GLRX2: variants seen among roughly 807,000 people sequenced by gnomAD.
GLRX2 encodes the protein glutaredoxin 2.
GLRX2 carries 12 observed loss-of-function variants against 16.4 expected under a neutral mutation model. That is an observed-to-expected ratio of 0.73 (90% CI 0.47 to 1.19). The LOEUF (loss-of-function observed/expected upper bound fraction) is 1.19, where lower values mean the gene tolerates loss of function less well. Among genes scored for constraint, GLRX2 ranks in the 50% most tolerant of loss-of-function variants. The pLI is 0.00. For synonymous variants in GLRX2, 95 were observed against 76.2 expected, an observed-to-expected ratio of 1.25 and a Z score of -1.28; for missense variants, 201 against 201.8, an observed-to-expected ratio of 1.00 and a Z score of 0.02.
At chr1:193,104,598 A>C (rs1449104615) in intron 1 of GLRX2, among the ~76,000 whole-genome samples, 1 of 152,254 alleles carries the variant, frequency 6.6e-6, no homozygotes, top group African/African-American at 2.4e-5. Flanking sequence ...CGGAAGTGCG[A>C]GCCGGCAGGA....
rs951634787 is a variant in GLRX2 at position 193,100,492 on chromosome 1, CAAAT to C, written c.183+645_183+648del. On this transcript the variant is annotated intron_variant, in intron 2 of 3. Transcript: ENST00000367439. ...CTGCCTCAAAACAAAACAAAACAAA[CAAAT>C]AAAAAAGCAATTCCCTCACAGTTAT... Among the ~76,000 whole-genome samples the C allele has an allele frequency of 2.6e-5, 4 of 152,142 alleles. 1 individual carries two copies. Among genetic ancestry groups the C allele is most frequent in the East Asian group, 1.9e-4 (1 of 5,186 alleles).
chr1:193,105,812 C>A, upstream of GLRX2: 1 of 1,325,240 alleles, frequency 7.5e-7, no homozygotes, highest in Non-Finnish European at 9.6e-7. Context: ...CTACCTGTTA[C>A]ACAAGTTTTT....
chr1:193,098,018 C>T (rs1412524693), intron 2 of GLRX2, among the ~76,000 whole-genome samples: 1 of 152,134 alleles, frequency 6.6e-6, no homozygotes, highest in African/African-American at 2.4e-5. Context: ...TATACAGCAA[C>T]CATTTCTGTG....
chr1:193,096,571 G>C lies in GLRX2; in HGVS notation c.*54C>G, dbSNP rs1674962822. 21 of 956,480 alleles carry C rather than the reference G, an allele frequency of 2.2e-5. No homozygotes were observed. In the South Asian group the frequency reaches 3.4e-4, roughly 16 times the overall value. 59.2% of individuals were successfully genotyped at this position (956,480 alleles called of 1,614,324 possible). ...TCAAACATTTAAAAGACATTATCGG[G>C]CATTACCACTTTAAATAACTGACAC... On this transcript the variant is annotated 3_prime_UTR_variant, in exon 4 of 4. Transcript: ENST00000367439.
chr1:193,103,987 GTGGAA>G, intron 1 of GLRX2, among the ~76,000 whole-genome samples: 1 of 152,150 alleles, frequency 6.6e-6, no homozygotes, highest in East Asian at 1.9e-4. Flanking sequence ...AAGAGCATTG[GTGGAA>G]TAAATCAGCA....
intron 1 of GLRX2, among the ~76,000 whole-genome samples, chr1:193,105,035 G>A (rs928116437): frequency 3.3e-5 from 5 of 152,228 alleles, no homozygotes; most frequent in Non-Finnish European, 5.9e-5. Context: ...CATGAGTGAA[G>A]TATTTTCAAC....
At chr1:193,100,349 C>T (rs1675049331) in intron 2 of GLRX2, among the ~76,000 whole-genome samples, 1 of 152,086 alleles carries the variant, frequency 6.6e-6, no homozygotes, top group Non-Finnish European at 1.5e-5. Context: ...TGGTGGACGC[C>T]TGTAATCCCA....
intron 1 of GLRX2, among the ~76,000 whole-genome samples, chr1:193,104,286 A>T (rs568062214): frequency 1.1e-4 from 16 of 152,348 alleles, no homozygotes; most frequent in African/African-American, 3.6e-4. Context: ...AAGTAAGTGC[A>T]CAATAAACAT....
chr1:193,098,857 C>T (rs1348789958), intron 2 of GLRX2, among the ~76,000 whole-genome samples: 2 of 152,136 alleles, frequency 1.3e-5, no homozygotes, highest in Non-Finnish European at 2.9e-5. Context: ...AGCCCCAAAA[C>T]ATTATACTTC....
At chr1:193,106,001 T>C, upstream of GLRX2, 2 of 813,678 alleles carry the variant, frequency 2.5e-6, no homozygotes, top group Non-Finnish European at 2.9e-6. Flanking sequence ...AAAAAAAAAA[T>C]TAGGAAACAA....
chr1:193,103,053 AAAT>A (rs751214716), intron 1 of GLRX2, among the ~76,000 whole-genome samples: 1 of 151,896 alleles, frequency 6.6e-6, no homozygotes, highest in Non-Finnish European at 1.5e-5. Context: ...ACTCCGTCTT[AAAT>A]AATAATAATA....
At chr1:193,097,804 C>T in intron 2 of GLRX2, 44 bp from the exon 3 acceptor site, 2 of 1,342,500 alleles carry the variant, frequency 1.5e-6, no homozygotes, top group South Asian at 1.5e-5. Context: ...TAGACATTAC[C>T]ATTTGGAAAT....
Position 193,097,771 on chromosome 1 carries a change from A to G in GLRX2, c.184-11T>C, listed in dbSNP as rs1674989648. On this transcript the variant is annotated splice_polypyrimidine_tract_variant and intron_variant, in intron 2 of 3. Transcript: ENST00000367439. Reference sequence around the variant, plus strand: ...ATCAGAAATTGTTTCCTGAAATAAAACCACAAAAAATCATTTTAATTCTAG... The same window carrying G: ...ATCAGAAATTGTTTCCTGAAATAAAGCCACAAAAAATCATTTTAATTCTAG... 2 of 1,552,612 alleles carry G rather than the reference A, an allele frequency of 1.3e-6. No individual in the cohort carries two copies. Among genetic ancestry groups the G allele is most frequent in the Non-Finnish European group, 8.7e-7 (1 of 1,143,704 alleles).
At position 193,105,295 on chromosome 1, in the gene GLRX2, C is replaced by T. The variant is rs996477735; in HGVS notation, c.88G>A (p.Ala30Thr). 7.8e-6 allele frequency: 12 copies of T among 1,530,066 alleles called. No individual in the cohort carries two copies. The highest frequency in any genetic ancestry group is 9.6e-6 in the Non-Finnish European group (11 of 1,147,526). 94.8% of individuals were successfully genotyped at this position (1,530,066 alleles called of 1,614,324 possible). A position where few individuals can be genotyped will look rare whatever the true frequency, so the allele number is the denominator to read the frequency against. Residue 30 changes from alanine (A) to threonine (T), a missense_variant, in exon 1 of 4, where the codon GCT becomes ACT. Ala to Thr is a moderately conservative substitution (Grantham distance 58). Transcript: ENST00000367439. ...GCCGCAGCTGCCGCAGCTCCCGCAG[C>T]TCCCGCCGCCCTGTCAAGCCAGCCT... Reference protein sequence around the residue: ...SAGWLDRAAGAAGAAAAAASG... With the variant: ...SAGWLDRAAGTAGAAAAAASG...
chr1:193,105,511 G>T, upstream of GLRX2: 1 of 1,472,144 alleles, frequency 6.8e-7, no homozygotes, highest in Non-Finnish European at 9.1e-7. Context: ...CGCCGCCGCC[G>T]GTCACCTCCT....
intron 3 of GLRX2, 89 bp downstream of exon 3, chr1:193,097,495 G>T: frequency 2.1e-6 from 2 of 975,404 alleles, no homozygotes; most frequent in Non-Finnish European, 2.9e-6. Flanking sequence ...AGAATGTCTG[G>T]CTCATTTTCC....
At chr1:193,105,527 C>A (rs772360130), upstream of GLRX2, 29 of 1,564,866 alleles carry the variant, frequency 1.9e-5, no homozygotes, top group East Asian at 4.8e-4. Flanking sequence ...CTCCTCGCAG[C>A]TGAGCGCGTC....
chr1:193,098,886 G>C (rs746704365), intron 2 of GLRX2, among the ~76,000 whole-genome samples: 10 of 152,108 alleles, frequency 6.6e-5, no homozygotes, highest in South Asian at 2.1e-4. Context: ...TATTCAGTAG[G>C]TATTCAGGAG....
chr1:193,105,526 G>A (rs761942184), upstream of GLRX2: 2 of 1,557,994 alleles, frequency 1.3e-6, no homozygotes, highest in Non-Finnish European at 1.7e-6. Context: ...CCTCCTCGCA[G>A]CTGAGCGCGT....
Sources: allele counts gnomAD v4.1 joint callset (sites outside exome capture counted in the v4.1 genomes callset), GRCh38; gene constraint gnomAD v4.1.1; transcripts MANE v1.5; gene names NCBI Gene and HGNC (gene_info 2026-07-23, HGNC 2026-07-21).